SPAG16: variants seen among roughly 807,000 people sequenced by gnomAD.
The protein encoded by SPAG16 is sperm-associated antigen 16 protein.
A neutral mutation model predicts 80.4 loss-of-function variants in SPAG16; 86 were observed. That is an observed-to-expected ratio of 1.07 (90% CI 0.90 to 1.28). SPAG16 has a LOEUF of 1.28. SPAG16 is among the 50% of genes most tolerant of loss of function. The pLI, the probability that SPAG16 is intolerant of heterozygous loss-of-function variation, is 0.00. For synonymous variants in SPAG16, 294 were observed against 265.9 expected (o/e 1.11, Z -1.03); for missense variants, 870 against 765.3 (o/e 1.14, Z -1.61).
intron 10 of SPAG16, among the ~76,000 whole-genome samples, chr2:213,619,343 G>A (rs754523652): frequency 4.0e-4 from 61 of 152,128 alleles, no homozygotes; most frequent in Non-Finnish European, 7.5e-4. Flanking sequence ...CTTCTGCACA[G>A]CAAAGGAAAC....
At chr2:214,389,378 G>T (rs1438412379) in intron 15 of SPAG16, among the ~76,000 whole-genome samples, 8 of 152,208 alleles carry the variant, frequency 5.3e-5, no homozygotes, top group African/African-American at 1.9e-4. Context: ...AGACTCTATG[G>T]TTCCAAAAGG....
rs539374044 is a variant in SPAG16 at position 213,956,825 on chromosome 2, G to A, written c.1400+26680G>A. Among the ~76,000 whole-genome samples, 6 of 151,908 alleles carry A rather than the reference G, an allele frequency of 3.9e-5. No individual in the cohort carries two copies. The South Asian group carries it at 6.2e-4, about 16-fold the overall frequency. On this transcript the variant is annotated intron_variant, in intron 12 of 15. Transcript: ENST00000331683. Reference sequence around the variant, plus strand: ...GCTTTCATTGCATTCCATAAGTTTTGGTATGTTGCATTTCTGTTTTCATTC... The same window carrying A: ...GCTTTCATTGCATTCCATAAGTTTTAGTATGTTGCATTTCTGTTTTCATTC...
intron 10 of SPAG16, among the ~76,000 whole-genome samples, chr2:213,848,962 G>C (rs971396052): frequency 1.3e-5 from 2 of 151,984 alleles, no homozygotes; most frequent in East Asian, 3.9e-4. Flanking sequence ...TATAACTTTT[G>C]TTAATTTCAA....
chr2:214,281,008 C>A (rs538514332), intron 15 of SPAG16: 1 of 411,128 alleles, frequency 2.4e-6, no homozygotes, highest in Non-Finnish European at 4.7e-6. Flanking sequence ...AAGGGATAGA[C>A]AAACCTCCAT....
chr2:213,405,724 C>T (rs1026771037), intron 9 of SPAG16, among the ~76,000 whole-genome samples: 12 of 152,118 alleles, frequency 7.9e-5, no homozygotes, highest in Non-Finnish European at 1.0e-4. Flanking sequence ...TGAGAATAAG[C>T]GATATTTGTC....
chr2:213,515,734 A>G (rs2075395569), intron 10 of SPAG16, among the ~76,000 whole-genome samples: 1 of 152,164 alleles, frequency 6.6e-6, no homozygotes, highest in South Asian at 2.1e-4. Flanking sequence ...AGCACATCAG[A>G]ACAAATATAA....
At chr2:213,744,596 T>C (rs571619823) in intron 10 of SPAG16, among the ~76,000 whole-genome samples, 2 of 152,366 alleles carry the variant, frequency 1.3e-5, no homozygotes, top group South Asian at 4.1e-4. Context: ...ATCCATAGTA[T>C]CTTTGTGTCA....
chr2:213,617,673 C>T (rs891605433), intron 10 of SPAG16, among the ~76,000 whole-genome samples: 1 of 151,988 alleles, frequency 6.6e-6, no homozygotes, highest in Non-Finnish European at 1.5e-5. Context: ...ATGAGCAAGG[C>T]ATAGTGGCAT....
intron 9 of SPAG16, among the ~76,000 whole-genome samples, chr2:213,417,541 A>G (rs2069329767): frequency 6.6e-6 from 1 of 152,250 alleles, no homozygotes; most frequent in African/African-American, 2.4e-5. Context: ...AAAAACTGTT[A>G]TAGAACTATT....
At chr2:213,408,116 AG>A (rs2068765991) in intron 9 of SPAG16, among the ~76,000 whole-genome samples, 1 of 137,124 alleles carries the variant, frequency 7.3e-6, no homozygotes, top group Admixed American at 7.0e-5. Flanking sequence ...ACAAAAACAA[AG>A]AAAAAAAAAC....
chr2:213,772,366 A>G (rs930802813), intron 10 of SPAG16, among the ~76,000 whole-genome samples: 7 of 152,166 alleles, frequency 4.6e-5, no homozygotes, highest in Non-Finnish European at 8.8e-5. Flanking sequence ...CCTGGTTAGT[A>G]CTTGGATGGA....
intron 15 of SPAG16, among the ~76,000 whole-genome samples, chr2:214,193,429 G>GTGTGTATA: frequency 1.5e-5 from 1 of 67,952 alleles, no homozygotes; most frequent in South Asian, 6.0e-4. Flanking sequence ...GTGTGTATGA[G>GTGTGTATA]AGAGAGAGAG....
rs548438399 is a variant in SPAG16 at position 214,194,128 on chromosome 2, A to G, written c.1720+44862A>G. Reference sequence around the variant, plus strand: ...CTGACTCATTCTAAAGCAATGCATTATATGACCAGTAGGCTCAAATAGTTG... The same window carrying G: ...CTGACTCATTCTAAAGCAATGCATTGTATGACCAGTAGGCTCAAATAGTTG... On this transcript the variant is annotated intron_variant, in intron 15 of 15. Transcript: ENST00000331683. Among the ~76,000 whole-genome samples, 16 of 152,232 alleles carry G rather than the reference A, an allele frequency of 1.1e-4. 1 individual carries two copies. The East Asian group carries it at 2.7e-3, about 26-fold the overall frequency.
chr2:214,400,008 G>T (rs1222420102), intron 15 of SPAG16, among the ~76,000 whole-genome samples: 1 of 152,064 alleles, frequency 6.6e-6, no homozygotes, highest in Non-Finnish European at 1.5e-5. Context: ...GGTGGCTGTT[G>T]ATATTTTAAA....
chr2:213,606,453 A>G (rs1028809790), intron 10 of SPAG16, among the ~76,000 whole-genome samples: 3 of 152,204 alleles, frequency 2.0e-5, no homozygotes, highest in Non-Finnish European at 2.9e-5. Context: ...TTACTGATTT[A>G]TATTGATATC....
rs1018604834 is a variant in SPAG16, at chr2:213,590,250, T to C, written c.1070+100160T>C. Among the ~76,000 whole-genome samples the C allele has an allele frequency of 1.8e-4, 27 of 152,308 alleles. No homozygotes were observed. In the East Asian group the frequency reaches 3.7e-3, roughly 21 times the overall value. On this transcript the variant is annotated intron_variant, in intron 10 of 15. Transcript: ENST00000331683. ...TTCAGTGGGTACACATGTATGTTTG[T>C]TACATGGGTATATTGCATAATGCTG...
chr2:213,953,902 T>A (rs2043984771), intron 12 of SPAG16, among the ~76,000 whole-genome samples: 1 of 151,992 alleles, frequency 6.6e-6, no homozygotes, highest in African/African-American at 2.4e-5. Context: ...AATGGTGAAT[T>A]GTGGAAACTG....
intron 11 of SPAG16, among the ~76,000 whole-genome samples, chr2:213,870,058 T>C (rs1453692285): frequency 6.6e-6 from 1 of 152,192 alleles, no homozygotes; most frequent in African/African-American, 2.4e-5. Flanking sequence ...CCTCAGTTTA[T>C]AGAAATACTA....
intron 14 of SPAG16, among the ~76,000 whole-genome samples, chr2:214,124,073 A>G (rs2054356459): frequency 6.6e-6 from 1 of 152,056 alleles, no homozygotes; most frequent in Non-Finnish European, 1.5e-5. Flanking sequence ...TTGACTAGGA[A>G]GTGTCAGAAA....
Sources: allele counts gnomAD v4.1 joint callset (sites outside exome capture counted in the v4.1 genomes callset), GRCh38; gene constraint gnomAD v4.1.1; transcripts MANE v1.5; gene names NCBI Gene and HGNC (gene_info 2026-07-23, HGNC 2026-07-21).